Variants in CHN1 observed in about 807,000 individuals in gnomAD.
CHN1 encodes the protein chimerin 1, also known as N-chimaerin.
In CHN1, 37 loss-of-function variants were observed where a neutral mutation model predicts 59.5. The observed-to-expected ratio is 0.62, with a 90% CI of 0.48 to 0.82. The LOEUF is 0.82. Among genes scored for constraint, CHN1 ranks in the 40% least tolerant of loss-of-function variants. The pLI, the probability that CHN1 is intolerant of heterozygous loss-of-function variation, is 0.00. For synonymous variants in CHN1, 206 were observed against 200.4 expected (o/e 1.03, Z -0.24); for missense variants, 469 against 571.0 (o/e 0.82, Z 1.82).
chr2:174,855,447 A>G (rs573478248), intron 6 of CHN1, among the ~76,000 whole-genome samples: 3 of 152,336 alleles, frequency 2.0e-5, no homozygotes, highest in East Asian at 1.9e-4. Context: ...CACAAACAAC[A>G]CAGCTTTCCT....
intron 3 of CHN1, among the ~76,000 whole-genome samples, chr2:174,943,851 TCTCA>T (rs1250877609): frequency 6.6e-6 from 1 of 152,170 alleles, no homozygotes; most frequent in Non-Finnish European, 1.5e-5. Context: ...GAGAACAAGG[TCTCA>T]CTATGTTGCC....
chr2:174,969,692 T>C (rs540216289), intron 1 of CHN1, among the ~76,000 whole-genome samples: 3 of 151,940 alleles, frequency 2.0e-5, no homozygotes, highest in Non-Finnish European at 4.4e-5. Context: ...CACTTCATAC[T>C]CTTTTTTTTT....
At chr2:174,950,865 T>C (rs1574203327) in intron 2 of CHN1, among the ~76,000 whole-genome samples, 1 of 147,526 alleles carries the variant, frequency 6.8e-6, no homozygotes, top group Non-Finnish European at 1.5e-5. Context: ...CTGCAACCTC[T>C]GCCTCCCTGG....
intron 1 of CHN1, among the ~76,000 whole-genome samples, chr2:174,987,081 T>C (rs1691373936): frequency 6.6e-6 from 1 of 152,232 alleles, no homozygotes; most frequent in Non-Finnish European, 1.5e-5. Context: ...GCTTACTTTA[T>C]TGTAAGAATA....
chr2:174,898,905 C>T (rs1055587077), intron 5 of CHN1, among the ~76,000 whole-genome samples: 1 of 151,950 alleles, frequency 6.6e-6, no homozygotes, highest in East Asian at 1.9e-4. Context: ...GTATTGCCAC[C>T]CCAAAATATG....
intron 3 of CHN1, among the ~76,000 whole-genome samples, chr2:174,940,083 G>C (rs1294779244): frequency 6.6e-6 from 1 of 152,096 alleles, no homozygotes; most frequent in Non-Finnish European, 1.5e-5. Context: ...AAGCTGGAGT[G>C]CAGTGGTGTG....
At chr2:174,907,996 T>C (rs1212612779) in intron 5 of CHN1, among the ~76,000 whole-genome samples, 5 of 152,238 alleles carry the variant, frequency 3.3e-5, no homozygotes, top group Non-Finnish European at 7.3e-5. Context: ...GTTCTTACGT[T>C]ATTGTCAGCA....
chr2:174,988,578 A>T (rs1017248858), intron 1 of CHN1, among the ~76,000 whole-genome samples: 1 of 152,146 alleles, frequency 6.6e-6, no homozygotes, highest in Non-Finnish European at 1.5e-5. Context: ...AGTTGCCTTG[A>T]GACAATATGA....
chr2:174,990,262 T>TGAGA lies in CHN1; in HGVS notation c.19+14628_19+14631dup, dbSNP rs147367573. 1.7e-4 allele frequency among the ~76,000 whole-genome samples: 15 copies of TGAGA among 89,442 alleles called. No individual in the cohort carries two copies. In the East Asian group the frequency reaches 2.2e-3, roughly 13 times the overall value. The allele number at this position is 89,442 out of a possible 152,430, so 58.7% of individuals were successfully genotyped here. A position where few individuals can be genotyped will look rare whatever the true frequency, so the allele number is the denominator to read the frequency against. On this transcript the variant is annotated intron_variant, in intron 1 of 12. Coordinates refer to ENST00000409900, the MANE Select transcript of CHN1 (RefSeq NM_001822.7). Reference sequence around the variant, plus strand: ...GTGTGTGTGTGTGTGTGTGTGTGTGTGAGAGAGAGAGAGAGAGAGAGAGAG... The same window carrying TGAGA: ...GTGTGTGTGTGTGTGTGTGTGTGTGTGAGAGAGAGAGAGAGAGAGAGAGAGAGAG...
chr2:174,804,305 T>G (rs976399761), intron 11 of CHN1, among the ~76,000 whole-genome samples: 1 of 151,354 alleles, frequency 6.6e-6, no homozygotes. Flanking sequence ...TGCAGTAGAG[T>G]GAGTGAAGAG....
chr2:174,826,064 T>TG (rs1487599811), intron 7 of CHN1, among the ~76,000 whole-genome samples: 1 of 152,212 alleles, frequency 6.6e-6, no homozygotes, highest in Admixed American at 6.5e-5. Context: ...AGCAGGTATG[T>TG]GCTTGTAACT....
intron 11 of CHN1, among the ~76,000 whole-genome samples, chr2:174,807,995 A>G (rs1451413180): frequency 6.6e-6 from 1 of 152,258 alleles, no homozygotes; most frequent in Non-Finnish European, 1.5e-5. Flanking sequence ...TCCCTTCTTT[A>G]AAAAATGAAG....
At chr2:174,893,466 A>G (rs1354385467) in intron 5 of CHN1, among the ~76,000 whole-genome samples, 10 of 152,220 alleles carry the variant, frequency 6.6e-5, no homozygotes, top group South Asian at 2.1e-4. Flanking sequence ...GAAATTGAAG[A>G]AGACACAAAT....
intron 6 of CHN1, among the ~76,000 whole-genome samples, chr2:174,872,270 T>C (rs1474710149): frequency 6.6e-6 from 1 of 152,142 alleles, no homozygotes; most frequent in Non-Finnish European, 1.5e-5. Flanking sequence ...GGTGATGAAG[T>C]GAGACCCCAC....
At chr2:174,846,418 CAG>C (rs1038260535) in intron 7 of CHN1, 41 of 1,541,096 alleles carry the variant, frequency 2.7e-5, no homozygotes, top group African/African-American at 1.5e-4. Context: ...AATTCATTAA[CAG>C]GGGAGAAAAG....
At chr2:174,954,846 T>G (rs531532097) in intron 1 of CHN1, among the ~76,000 whole-genome samples, 46 of 152,214 alleles carry the variant, frequency 3.0e-4, no homozygotes, top group Middle Eastern at 3.4e-3. Flanking sequence ...GGTGGGAATG[T>G]AAACTAGTAC....
intron 1 of CHN1, among the ~76,000 whole-genome samples, chr2:174,995,586 C>T (rs879626197): frequency 1.8e-4 from 27 of 152,124 alleles, no homozygotes; most frequent in Admixed American, 1.3e-3. Flanking sequence ...GTTCACAATA[C>T]GGTTCACGCT....
intron 7 of CHN1, among the ~76,000 whole-genome samples, chr2:174,844,617 G>C (rs1315146616): frequency 6.6e-6 from 1 of 152,144 alleles, no homozygotes. Context: ...TACATACATA[G>C]ATGTGTATAT....
intron 6 of CHN1, among the ~76,000 whole-genome samples, chr2:174,871,550 C>T (rs149081414): frequency 5.1e-4 from 78 of 152,178 alleles, no homozygotes; most frequent in African/African-American, 1.8e-3. Context: ...CTTGAAACTG[C>T]GGTGGAATGC....
Sources: allele counts gnomAD v4.1 joint callset (sites outside exome capture counted in the v4.1 genomes callset), GRCh38; gene constraint gnomAD v4.1.1; transcripts MANE v1.5; gene names NCBI Gene and HGNC (gene_info 2026-07-23, HGNC 2026-07-21).